Variants in ARHGEF19 observed in about 807,000 individuals in gnomAD.
The protein encoded by ARHGEF19 is Rho guanine nucleotide exchange factor (GEF) 19.
A neutral mutation model predicts 87.6 loss-of-function variants in ARHGEF19; 92 were observed. The ratio of observed to expected loss-of-function variants is 1.05; its 90% CI spans 0.89 to 1.25. ARHGEF19 has a LOEUF of 1.25. Among genes scored for constraint, ARHGEF19 ranks in the 50% most tolerant of loss-of-function variants. The pLI is 0.00. For missense variants in ARHGEF19, 1,054 were observed against 1,051.8 expected (o/e 1.00, Z -0.03); for synonymous variants, 438 against 446.2 (o/e 0.98, Z 0.23).
intron 12 of ARHGEF19, among the ~76,000 whole-genome samples, chr1:16,204,159 C>T (rs983005344): frequency 9.2e-5 from 14 of 152,308 alleles, no homozygotes; most frequent in Middle Eastern, 6.8e-3. Context: ...AGCCACCGTG[C>T]CCAGCCCACA....
chr1:16,208,548 G>A, intron 2 of ARHGEF19, 95 bp downstream of exon 2: 1 of 1,428,650 alleles, frequency 7.0e-7, no homozygotes, highest in Non-Finnish European at 9.2e-7. Flanking sequence ...CTGACTTTTG[G>A]GGGAACCTTG....
In ARHGEF19 at chr1:16,202,460, G is replaced by A. The variant is rs142811188; in HGVS notation, c.2022C>T (p.His674=). The part of the protein sequence containing the change: ...PGHVFLLQLL[H]GQHMKHQFLL... ...GGAACTGGTGCTTCATGTGCTGCCC[G>A]TGGAGGAGCTGGAGGAGGAACACGT... The change falls in exon 13 of 16, where the codon CAC becomes CAT. Residue 674 remains histidine, a synonymous_variant. Transcript: ENST00000270747. 295 of 1,614,036 alleles carry A rather than the reference G, an allele frequency of 1.8e-4. 1 individual carries two copies. The highest frequency in any genetic ancestry group is 3.4e-4 in the South Asian group (31 of 91,084).
Position 16,205,448 on chromosome 1 carries a change from T to A in ARHGEF19, c.1582-23A>T, listed in dbSNP as rs1422441393. ...GTTCTGGAAGGTGGGATCAGCACAA[T>A]GAGGCAGTCCTCATACTCCCGAGAC... On this transcript the variant is annotated intron_variant, in intron 9 of 15. Coordinates refer to ENST00000270747, the MANE Select transcript of ARHGEF19 (RefSeq NM_153213.5). The surrounding 1 kb of genome is among the most constrained non-coding windows in gnomAD (Gnocchi z 5.8). 6.8e-6 allele frequency: 11 copies of A among 1,612,082 alleles called. No individual in the cohort carries two copies. In the African/African-American group the frequency reaches 1.5e-4, roughly 22 times the overall value.
Position 16,208,695 on chromosome 1 carries a change from T to C in ARHGEF19, c.360A>G (p.Arg120=), listed in dbSNP as rs752563076. The part of the protein sequence containing the change: ...PPALEGPWSP[R]HTQPQRRASH... The stretch of plus-strand genomic sequence containing the variant: ...TGGCCCGGCGCTGTGGCTGTGTGTG[T>C]CGGGGACTCCAGGGTCCCTCCAGAG... The change falls in exon 2 of 16, where the codon CGA becomes CGG. Residue 120 remains arginine, a synonymous_variant. Coordinates refer to ENST00000270747, the MANE Select transcript of ARHGEF19 (RefSeq NM_153213.5). 2.7e-4 allele frequency: 429 copies of C among 1,607,956 alleles called. No individual in the cohort carries two copies. The highest frequency in any genetic ancestry group is 3.6e-4 in the Non-Finnish European group (422 of 1,178,206).
At position 16,208,785 on chromosome 1, in the gene ARHGEF19, G is replaced by A. The variant is rs1368098731; in HGVS notation, c.270C>T (p.Thr90=). 3.1e-6 allele frequency: 5 copies of A among 1,613,554 alleles called. No homozygotes were observed. The Middle Eastern group carries it at 8.3e-4, about 267-fold the overall frequency. Residue 90 remains threonine, a synonymous_variant, in exon 2 of 16, where the codon ACC becomes ACT. Transcript: ENST00000270747. ...LSPGGSDTEI[T]SGGMRPSRAG... is the part of the protein sequence containing the mutation. The stretch of plus-strand genomic sequence containing the variant: ...CCCTGCTGGGCCGCATCCCCCCGCT[G>A]GTGATCTCTGTATCTGAGCCTCCTG...
In ARHGEF19 at chr1:16,205,598, G is replaced by A. The variant is rs200889406; in HGVS notation, c.1521C>T (p.Pro507=). The part of the protein sequence containing the change: ...LEESPVCQRL[P]LTSFLILPFQ... Reference sequence around the variant, plus strand: ...AGGGCAGGATAAGGAAGGAGGTAAGGGGCAGACGCTGGCACACAGGAGACT... The same window carrying A: ...AGGGCAGGATAAGGAAGGAGGTAAGAGGCAGACGCTGGCACACAGGAGACT... Residue 507 remains proline, a synonymous_variant, in exon 9 of 16, where the codon CCC becomes CCT. Transcript: ENST00000270747. This position sits in a 1 kb window ranked among gnomAD's most constrained non-coding sequence, Gnocchi z 5.8. The A allele has an allele frequency of 5.0e-6, 8 of 1,613,856 alleles. No homozygotes were observed. The highest frequency in any genetic ancestry group is 6.8e-6 in the Non-Finnish European group (8 of 1,179,968).
In ARHGEF19 at chr1:16,209,081, G is replaced by T; in HGVS notation, c.-27C>A. The T allele has an allele frequency of 6.9e-7, 1 of 1,442,994 alleles. No homozygotes were observed. The allele number at this position is 1,442,994 out of a possible 1,614,324, so 89.4% of individuals were successfully genotyped here. A position where few individuals can be genotyped will look rare whatever the true frequency, so the allele number is the denominator to read the frequency against. On this transcript the variant is annotated splice_region_variant and 5_prime_UTR_variant, in exon 2 of 16. Coordinates refer to ENST00000270747, the MANE Select transcript of ARHGEF19 (RefSeq NM_153213.5). Reference sequence around the variant, plus strand: ...CCTCTTTTGCTCTGCCACCCACCTGGCCCTGCAGAAGAGAAGATATCAGAC... The same window carrying T: ...CCTCTTTTGCTCTGCCACCCACCTGTCCCTGCAGAAGAGAAGATATCAGAC...
At chr1:16,201,615 T>C (rs1398300284) in intron 14 of ARHGEF19, among the ~76,000 whole-genome samples, 167 bp downstream of exon 14, 1 of 152,196 alleles carries the variant, frequency 6.6e-6, no homozygotes, top group African/African-American at 2.4e-5. Context: ...ACCTGTGCTA[T>C]GTAAGTTCTG....
intron 1 of ARHGEF19, among the ~76,000 whole-genome samples, chr1:16,210,680 G>A (rs769171205): frequency 2.0e-5 from 3 of 152,234 alleles, no homozygotes; most frequent in Non-Finnish European, 4.4e-5. Context: ...AGCCAAAAAT[G>A]AAAACAGTTA....
chr1:16,205,814 G>C lies in ARHGEF19; in HGVS notation c.1451+117C>G. Reference sequence around the variant, plus strand: ...CATCTCACCTTATCCTGGTCACAGAGACCTTTTCAGGGACCCCTCCCCTCC... The same window carrying C: ...CATCTCACCTTATCCTGGTCACAGACACCTTTTCAGGGACCCCTCCCCTCC... On this transcript the variant is annotated intron_variant, in intron 8 of 15. Transcript: ENST00000270747. The surrounding 1 kb of genome is among the most constrained non-coding windows in gnomAD (Gnocchi z 5.8). 6.7e-7 allele frequency: 1 copy of C among 1,490,118 alleles called. No individual in the cohort carries two copies. The highest frequency in any genetic ancestry group is 2.5e-5 in the East Asian group (1 of 40,492). 92.3% of individuals were successfully genotyped at this position (1,490,118 alleles called of 1,614,324 possible).
In ARHGEF19 at chr1:16,208,641, A is replaced by C; in HGVS notation, c.412+2T>G. The C allele has an allele frequency of 6.2e-7, 1 of 1,600,404 alleles. No individual in the cohort carries two copies. Among genetic ancestry groups the C allele is most frequent in the Non-Finnish European group, 8.5e-7 (1 of 1,175,688 alleles). Reference sequence around the variant, plus strand: ...ACACCCGCCTTCCCCAGGGTGACTCACAGGCAGACTTCTTCTCCGAGCCGT... The same window carrying C: ...ACACCCGCCTTCCCCAGGGTGACTCCCAGGCAGACTTCTTCTCCGAGCCGT... On this transcript the variant is annotated splice_donor_variant, in intron 2 of 15. Transcript: ENST00000270747. LOFTEE classifies it high-confidence loss of function.
In ARHGEF19 at chr1:16,205,596, A is replaced by C; in HGVS notation, c.1523T>G (p.Leu508Arg). Residue 508 changes from leucine (L) to arginine (R), a missense_variant, in exon 9 of 16, where the codon CTT becomes CGT. By Grantham distance (102) the Leu-to-Arg change is moderately radical. Coordinates refer to ENST00000270747, the MANE Select transcript of ARHGEF19 (RefSeq NM_153213.5). The surrounding 1 kb of genome is among the most constrained non-coding windows in gnomAD (Gnocchi z 5.8). ...EESPVCQRLP[L>R]TSFLILPFQR... ...GAAGGGCAGGATAAGGAAGGAGGTAAGGGGCAGACGCTGGCACACAGGAGA... is the reference window on the plus strand; with the variant it reads ...GAAGGGCAGGATAAGGAAGGAGGTACGGGGCAGACGCTGGCACACAGGAGA... 6.2e-7 allele frequency: 1 copy of C among 1,613,952 alleles called. No individual in the cohort carries two copies. The highest frequency in any genetic ancestry group is 8.5e-7 in the Non-Finnish European group (1 of 1,179,940).
intron 1 of ARHGEF19, among the ~76,000 whole-genome samples, chr1:16,212,185 C>T (rs773050750): frequency 6.6e-6 from 1 of 152,192 alleles, no homozygotes; most frequent in Non-Finnish European, 1.5e-5. Context: ...CAGAGAGTCC[C>T]TGGACACTAC....
intron 2 of ARHGEF19, 114 bp from the exon 3 acceptor site, chr1:16,208,339 A>G (rs2100289573): frequency 7.5e-6 from 10 of 1,328,008 alleles, no homozygotes; most frequent in Non-Finnish European, 9.1e-6. Context: ...GCCCAAGGGA[A>G]GGGCCTGTGT....
chr1:16,207,884 C>T lies in ARHGEF19; in HGVS notation c.694+60G>A. The stretch of plus-strand genomic sequence containing the variant: ...TCAGGCGGCCGGTGAGTGGGCATCG[C>T]CCACCCCCACCCCCACCCGGCATCT... On this transcript the variant is annotated intron_variant, in intron 3 of 15. Transcript: ENST00000270747. The surrounding 1 kb of genome is among the most constrained non-coding windows in gnomAD (Gnocchi z 4.0). 6.8e-6 allele frequency: 6 copies of T among 882,698 alleles called. No homozygotes were observed. Among genetic ancestry groups the T allele is most frequent in the Middle Eastern group, 4.0e-4 (1 of 2,516 alleles). 54.7% of individuals were successfully genotyped at this position (882,698 alleles called of 1,614,324 possible).
Position 16,206,662 on chromosome 1 carries a change from T to A in ARHGEF19, c.1137+286A>T. The A allele has an allele frequency of 2.4e-6, 1 of 419,352 alleles. No individual in the cohort carries two copies. The highest frequency in any genetic ancestry group is 4.3e-6 in the Non-Finnish European group (1 of 234,920). The allele number at this position is 419,352 out of a possible 1,614,324, so 26.0% of individuals were successfully genotyped here. A position where few individuals can be genotyped will look rare whatever the true frequency, so the allele number is the denominator to read the frequency against. On this transcript the variant is annotated intron_variant, in intron 6 of 15. Transcript: ENST00000270747. This position sits in a 1 kb window ranked among gnomAD's most constrained non-coding sequence, Gnocchi z 4.6. ...CACCAGGCGTTTGCTCTTCCAATGG[T>A]TCCGCTCCTCATCCGGCCCTGTCCT... is the stretch of plus-strand genomic sequence containing the variant.
chr1:16,207,570 C>G lies in ARHGEF19; in HGVS notation c.826G>C (p.Gly276Arg). Residue 276 changes from glycine to arginine, a missense_variant, in exon 5 of 16, where the codon GGG becomes CGG. Gly to Arg is a moderately radical substitution (Grantham distance 125). Coordinates refer to ENST00000270747, the MANE Select transcript of ARHGEF19 (RefSeq NM_153213.5). This position sits in a 1 kb window ranked among gnomAD's most constrained non-coding sequence, Gnocchi z 4.0. ...RLDTQEEPPL[G>R]SRSTNERRQS... ...CGCCGCTCGTTGGTGCTCCTGGACC[C>G]CAAAGGCGGCTCTTCCTGTGTGTCT... 1 of 1,614,016 alleles carries G rather than the reference C, an allele frequency of 6.2e-7. No individual in the cohort carries two copies.
rs201415943 is a variant in ARHGEF19 at position 16,202,497 on chromosome 1, C to T, written c.1985G>A (p.Gly662Asp). Residue 662 changes from glycine (G) to aspartate (D), a missense_variant, in exon 13 of 16, where the codon GGC becomes GAC. Gly to Asp is a moderately conservative substitution (Grantham distance 94). Coordinates refer to ENST00000270747, the MANE Select transcript of ARHGEF19 (RefSeq NM_153213.5). ...QVRDLSLKLQ[G>D]IPGHVFLLQL... The stretch of plus-strand genomic sequence containing the variant: ...GAGGAGGAACACGTGGCCGGGGATG[C>T]CCTGCAGCTTCAGGCTCAGGTCCCG... 1.9e-6 allele frequency: 3 copies of T among 1,614,192 alleles called. No homozygotes were observed. Among genetic ancestry groups the T allele is most frequent in the South Asian group, 1.1e-5 (1 of 91,084 alleles).
intron 14 of ARHGEF19, 35 bp downstream of exon 14, chr1:16,201,747 G>C (rs563865015): frequency 6.2e-7 from 1 of 1,606,814 alleles, no homozygotes; most frequent in African/African-American, 1.3e-5. Context: ...CGAGGGTCCA[G>C]CCCAGGGATG....
Sources: allele counts gnomAD v4.1 joint callset (sites outside exome capture counted in the v4.1 genomes callset), GRCh38; gene constraint gnomAD v4.1.1; non-coding constraint Gnocchi (gnomAD v3.1); transcripts MANE v1.5; gene names NCBI Gene and HGNC (gene_info 2026-07-23, HGNC 2026-07-21).